The following NSMCE1 variants were observed in gnomAD, a reference collection of about 807,000 sequenced individuals.
The protein encoded by NSMCE1 is NSE1 component of SMC5/6 complex.
A neutral mutation model predicts 29.6 loss-of-function variants in NSMCE1; 18 were observed. The ratio of observed to expected loss-of-function variants is 0.61; its 90% CI spans 0.42 to 0.90. The LOEUF is 0.90. Among genes scored for constraint, NSMCE1 ranks in the 40% least tolerant of loss-of-function variants. NSMCE1 has a pLI of 0.00. For synonymous variants in NSMCE1, 124 were observed against 133.4 expected (o/e 0.93, Z 0.49); for missense variants, 314 against 343.6 (o/e 0.91, Z 0.68).
At chr16:27,238,555 T>TTC (rs2083853741) in intron 2 of NSMCE1, among the ~76,000 whole-genome samples, 3 of 151,920 alleles carry the variant, frequency 2.0e-5, no homozygotes, top group South Asian at 2.1e-4. Flanking sequence ...TTTTTTTTTT[T>TTC]ACAATTGTCT....
intron 2 of NSMCE1, among the ~76,000 whole-genome samples, chr16:27,238,597 T>C (rs958225334): frequency 1.3e-5 from 2 of 151,780 alleles, no homozygotes; most frequent in African/African-American, 4.8e-5. Flanking sequence ...GGTGAGAGAA[T>C]AATTCCAGGT....
rs1473690383 is a variant in NSMCE1 at position 27,226,572 on chromosome 16, G to A, written c.600+148C>T. 1.3e-5 allele frequency: 8 copies of A among 604,466 alleles called. No homozygotes were observed. In the East Asian group the frequency reaches 1.4e-4, roughly 11 times the overall value. The allele number at this position is 604,466 out of a possible 1,614,324, so 37.4% of individuals were successfully genotyped here. A position where few individuals can be genotyped will look rare whatever the true frequency, so the allele number is the denominator to read the frequency against. ...GCAGGGAGGCGTCCTGACACGTCCT[G>A]GGAGATGGCCTCCGCCAGCTCTTGT... is the stretch of plus-strand genomic sequence containing the variant. On this transcript the variant is annotated intron_variant, in intron 6 of 7. Transcript: ENST00000361439.
intron 2 of NSMCE1, among the ~76,000 whole-genome samples, chr16:27,236,205 C>A (rs1403373817): frequency 6.6e-6 from 1 of 151,786 alleles, no homozygotes; most frequent in Admixed American, 6.6e-5. Flanking sequence ...GACAGCAGGG[C>A]CTTTCTCCTG....
intron 2 of NSMCE1, among the ~76,000 whole-genome samples, chr16:27,239,292 G>A (rs1271501033): frequency 6.6e-6 from 1 of 152,188 alleles, no homozygotes; most frequent in Non-Finnish European, 1.5e-5. Flanking sequence ...AGGTCTTCAG[G>A]ACAGCTAATG....
At chr16:27,264,559 G>A (rs919853132) in intron 1 of NSMCE1, among the ~76,000 whole-genome samples, 19 of 152,010 alleles carry the variant, frequency 1.2e-4, no homozygotes, top group Non-Finnish European at 1.5e-5. Context: ...AAAGGTGCCA[G>A]GAAAACTTGT....
intron 2 of NSMCE1, among the ~76,000 whole-genome samples, chr16:27,240,842 G>A (rs567186391): frequency 1.8e-3 from 274 of 152,316 alleles, no homozygotes; most frequent in African/African-American, 6.3e-3. Context: ...GAAGGCCAAG[G>A]CAGGAGGATC....
intron 2 of NSMCE1, among the ~76,000 whole-genome samples, chr16:27,236,384 C>T (rs1220531585): frequency 2.0e-5 from 3 of 150,082 alleles, no homozygotes; most frequent in African/African-American, 7.4e-5. Context: ...GCAACCTCCA[C>T]CTCCCGGGTT....
intron 6 of NSMCE1, 181 bp downstream of exon 6, chr16:27,226,539 G>A (rs1197401192): frequency 2.3e-5 from 13 of 561,954 alleles, no homozygotes; most frequent in Non-Finnish European, 3.5e-5. Context: ...GCGTCCCTGC[G>A]GGGCACAGCA....
chr16:27,257,629 CAACGTCCT>C, intron 1 of NSMCE1, 48 bp from the exon 2 acceptor site: 1 of 1,503,992 alleles, frequency 6.6e-7, no homozygotes, highest in African/African-American at 1.4e-5. Context: ...ACATCAGAAG[CAACGTCCT>C]GGGTCTTGTA....
chr16:27,225,948 G>T, intron 6 of NSMCE1, 102 bp from the exon 7 acceptor site: 2 of 1,371,428 alleles, frequency 1.5e-6, no homozygotes, highest in Non-Finnish European at 1.0e-6. Flanking sequence ...GTGGCATCGT[G>T]TTATCTTCTG....
At chr16:27,243,131 G>C (rs2083911882) in intron 2 of NSMCE1, among the ~76,000 whole-genome samples, 1 of 152,182 alleles carries the variant, frequency 6.6e-6, no homozygotes, top group South Asian at 2.1e-4. Context: ...CCCGAGTTTT[G>C]GGTGTTTACA....
intron 1 of NSMCE1, among the ~76,000 whole-genome samples, chr16:27,267,182 T>C (rs1276926536): frequency 6.6e-6 from 1 of 152,106 alleles, no homozygotes; most frequent in Non-Finnish European, 1.5e-5. Context: ...TTTTAAGAAA[T>C]ACATCTATAC....
At chr16:27,247,870 T>C (rs1042762785) in intron 2 of NSMCE1, among the ~76,000 whole-genome samples, 2 of 150,870 alleles carry the variant, frequency 1.3e-5, no homozygotes, top group East Asian at 3.9e-4. Flanking sequence ...GAGGTTGCAG[T>C]GAGCGGAGAT....
intron 6 of NSMCE1, chr16:27,226,444 A>G: frequency 2.3e-6 from 1 of 427,584 alleles, no homozygotes; most frequent in East Asian, 4.3e-5. Context: ...TGCAGGTTGC[A>G]CAGAACACTC....
rs1432144525 is a variant in NSMCE1, at chr16:27,235,228, C to G, written c.208G>C (p.Glu70Gln). ...TCTTCCGTGACTCCTCTCTTTATCTCAATATACAAGGACTCCAAGACACTG... is the reference window on the plus strand; with the variant it reads ...TCTTCCGTGACTCCTCTCTTTATCTGAATATACAAGGACTCCAAGACACTG... ...INSVLESLYI[E>Q]IKRGVTEDDG... The change falls in exon 3 of 8, where the codon GAG (glutamate) becomes CAG (glutamine). Residue 70 changes from glutamate to glutamine, a missense_variant. Transcript: ENST00000361439. 3 of 1,613,660 alleles carry G rather than the reference C, an allele frequency of 1.9e-6. No individual in the cohort carries two copies. In the African/African-American group the frequency reaches 4.0e-5, roughly 22 times the overall value.
chr16:27,251,208 A>ATATATATATATATAT (rs397971855), intron 2 of NSMCE1, among the ~76,000 whole-genome samples: 2 of 113,666 alleles, frequency 1.8e-5, no homozygotes, highest in Admixed American at 8.6e-5. Context: ...ATATATATAT[A>ATATATATATATATAT]AAACTCTGTA....
chr16:27,245,007 C>T lies in NSMCE1; in HGVS notation c.137-9708G>A, dbSNP rs966100064. Among the ~76,000 whole-genome samples, 31 of 152,214 alleles carry T rather than the reference C, an allele frequency of 2.0e-4. 1 individual carries two copies. Among genetic ancestry groups the T allele is most frequent in the Admixed American group, 1.6e-3 (24 of 15,288 alleles). On this transcript the variant is annotated intron_variant, in intron 2 of 7. Transcript: ENST00000361439. ...AATTCCTATCACACTATCATACCAG[C>T]ACCATGGGTCTTCTGATAGTCACCC... is the stretch of plus-strand genomic sequence containing the variant.
At chr16:27,225,304 A>C in intron 7 of NSMCE1, 68 bp from the exon 8 acceptor site, 1 of 918,846 alleles carries the variant, frequency 1.1e-6, no homozygotes, top group Non-Finnish European at 1.8e-6. Context: ...CACCAGCTGG[A>C]GCCAGCAGCT....
intron 1 of NSMCE1, among the ~76,000 whole-genome samples, chr16:27,265,925 C>A (rs560190092): frequency 1.7e-4 from 26 of 152,152 alleles, no homozygotes; most frequent in Non-Finnish European, 2.9e-4. Context: ...CGGTGGTTAT[C>A]TTTGAGGAGG....
Sources: gnomAD v4.1 joint callset for allele counts (sites outside exome capture counted in the v4.1 genomes callset) on GRCh38, gnomAD v4.1.1 for gene constraint, MANE v1.5 for transcripts, NCBI Gene and HGNC (gene_info 2026-07-23, HGNC 2026-07-21) for gene names.